FAAH2: variants seen among roughly 807,000 people sequenced by gnomAD.
FAAH2 encodes fatty acid amide hydrolase 2, also known as fatty-acid amide hydrolase 2.
In FAAH2, 60 loss-of-function variants were observed where a neutral mutation model predicts 36.9. The observed-to-expected ratio is 1.63, with a 90% CI of 1.32 to 2.02. The LOEUF (loss-of-function observed/expected upper bound fraction) is 2.02. FAAH2 is among the 30% of genes most tolerant of loss of function. FAAH2 has a pLI of 0.00. For synonymous variants in FAAH2, 214 were observed against 143.8 expected, an observed-to-expected ratio of 1.49 and a Z score of -3.49; for missense variants, 689 against 397.5, an observed-to-expected ratio of 1.73 and a Z score of -6.23.
chrX:57,176,710 C>G, the FAAH2 span, among the ~76,000 whole-genome samples: 19 of 111,700 alleles, frequency 1.7e-4, no homozygotes, highest in South Asian at 7.0e-3. Flanking sequence ...TCTATTTCTT[C>G]TAATTATTTT....
chrX:57,489,052 C>T lies in FAAH2; in HGVS notation c.*120C>T. On this transcript the variant is annotated 3_prime_UTR_variant, in exon 11 of 11. Transcript: ENST00000374900. ...GAGAAACAACTGGGGAATTTATTGACTCATTTAGTTATTCTTTCTACTTTT... is the reference window on the plus strand; with the variant it reads ...GAGAAACAACTGGGGAATTTATTGATTCATTTAGTTATTCTTTCTACTTTT... The T allele has an allele frequency of 1.4e-6, 1 of 714,678 alleles. No individual in the cohort carries two copies. Among genetic ancestry groups the T allele is most frequent in the South Asian group, 4.2e-5 (1 of 23,975 alleles). 58.9% of individuals were successfully genotyped at this position (714,678 alleles called of 1,213,427 possible).
rs1323347633 is a variant in FAAH2, at chrX:57,378,717, G to T, written c.809G>T (p.Gly270Val). Residue 270 changes from glycine to valine, a missense_variant, in exon 6 of 11, where the codon GGT becomes GTT. Physicochemically the swap from Gly to Val is moderately radical, Grantham distance 109. Transcript: ENST00000374900. Reference sequence around the variant, plus strand: ...GCCCAGGAGTTGTTTCTGTGCACTGGTCCTATGTGCCGTTATGCTGAAGAC... The same window carrying T: ...GCCCAGGAGTTGTTTCTGTGCACTGTTCCTATGTGCCGTTATGCTGAAGAC... ...VGAQELFLCT[G>V]PMCRYAEDLA... 13 of 1,208,148 alleles carry T rather than the reference G, an allele frequency of 1.1e-5. No individual in the cohort carries two copies. Among genetic ancestry groups the T allele is most frequent in the Non-Finnish European group, 1.3e-5 (12 of 894,361 alleles).
At chrX:57,439,705 G>A (rs770134896) in intron 8 of FAAH2, among the ~76,000 whole-genome samples, 3 of 111,701 alleles carry the variant, frequency 2.7e-5, no homozygotes, top group Admixed American at 1.9e-4. Context: ...GTATTGCCTA[G>A]GTTTTCTTCT....
chrX:57,338,187 G>A (rs2053601776), intron 4 of FAAH2, among the ~76,000 whole-genome samples: 1 of 111,416 alleles, frequency 9.0e-6, no homozygotes, highest in Non-Finnish European at 1.9e-5. Flanking sequence ...TAGGTGTGGG[G>A]CCATTTTATA....
At chrX:57,193,985 G>GT in the FAAH2 span, among the ~76,000 whole-genome samples, 2 of 111,033 alleles carry the variant, frequency 1.8e-5, no homozygotes, top group African/African-American at 3.3e-5. Flanking sequence ...GTTTTTGTGT[G>GT]TTTTTTTAAA....
At chrX:57,397,389 T>C (rs1002468977) in intron 7 of FAAH2, among the ~76,000 whole-genome samples, 13 of 112,224 alleles carry the variant, frequency 1.2e-4, no homozygotes, top group Admixed American at 1.1e-3. Context: ...ATGTGACATG[T>C]GCTTTTATGA....
At chrX:57,191,323 T>G in the FAAH2 span, among the ~76,000 whole-genome samples, 1 of 112,212 alleles carries the variant, frequency 8.9e-6, no homozygotes. Context: ...TTTGCTCATT[T>G]AAAAATTATA....
chrX:57,318,765 A>T (rs1020143048), intron 3 of FAAH2, among the ~76,000 whole-genome samples: 2 of 112,107 alleles, frequency 1.8e-5, no homozygotes, highest in African/African-American at 6.5e-5. Flanking sequence ...CTATGCAAAA[A>T]TCCTCAATAA....
At chrX:57,211,602 C>T in the FAAH2 span, among the ~76,000 whole-genome samples, 1 of 111,874 alleles carries the variant, frequency 8.9e-6, no homozygotes, top group Non-Finnish European at 1.9e-5. Flanking sequence ...GCAAACACCA[C>T]CTACTGGCTG....
chrX:57,418,433 G>C (rs1221407085), intron 7 of FAAH2, among the ~76,000 whole-genome samples: 1 of 110,964 alleles, frequency 9.0e-6, no homozygotes, highest in African/African-American at 3.3e-5. Context: ...GGGCCGTATT[G>C]CACCATCCCT....
intron 3 of FAAH2, among the ~76,000 whole-genome samples, chrX:57,330,043 C>A (rs1053498471): frequency 7.2e-5 from 8 of 111,413 alleles, no homozygotes; most frequent in Non-Finnish European, 1.1e-4. Context: ...GCGTTAACTG[C>A]ACAGATTGTA....
chrX:57,193,866 A>G, the FAAH2 span, among the ~76,000 whole-genome samples: 1 of 112,159 alleles, frequency 8.9e-6, no homozygotes, highest in African/African-American at 3.2e-5. Flanking sequence ...TTGCAAGAAT[A>G]AATAAGTTAG....
chrX:57,227,641 G>A, the FAAH2 span, among the ~76,000 whole-genome samples: 1 of 111,611 alleles, frequency 9.0e-6, no homozygotes, highest in Non-Finnish European at 1.9e-5. Flanking sequence ...CCAGGAGGTG[G>A]CACTTTCCAG....
At chrX:57,159,699 A>G in the FAAH2 span, among the ~76,000 whole-genome samples, 18 of 111,848 alleles carry the variant, frequency 1.6e-4, no homozygotes, top group Admixed American at 1.7e-3. Flanking sequence ...GTATCCTGAG[A>G]CTTTGCTGAA....
chrX:57,191,759 G>A, the FAAH2 span, among the ~76,000 whole-genome samples: 1 of 111,882 alleles, frequency 8.9e-6, no homozygotes, highest in Admixed American at 9.5e-5. Context: ...CTCAGTGTGT[G>A]TTCTTGTCAC....
the FAAH2 span, among the ~76,000 whole-genome samples, chrX:57,182,636 G>T: frequency 9.0e-6 from 1 of 111,075 alleles, no homozygotes; most frequent in South Asian, 3.8e-4. Flanking sequence ...AAAGCAGTGC[G>T]GCACAACTCC....
the FAAH2 span, among the ~76,000 whole-genome samples, chrX:57,149,965 G>A: frequency 9.0e-5 from 10 of 111,447 alleles, no homozygotes; most frequent in Non-Finnish European, 1.3e-4. Context: ...TTGTGTCTTT[G>A]TTCTCATTGG....
intron 7 of FAAH2, among the ~76,000 whole-genome samples, chrX:57,410,094 A>AT (rs921889284): frequency 1.1e-4 from 12 of 108,669 alleles, no homozygotes; most frequent in African/African-American, 1.7e-4. Context: ...TTTGTCCAAG[A>AT]TTTTTTTTTA....
At chrX:57,248,923 T>C in the FAAH2 span, among the ~76,000 whole-genome samples, 1 of 108,367 alleles carries the variant, frequency 9.2e-6, no homozygotes, top group African/African-American at 3.4e-5. Context: ...AGTTTAGATA[T>C]TCCCTTATTT....
Sources: allele counts gnomAD v4.1 joint callset (sites outside exome capture counted in the v4.1 genomes callset), GRCh38; gene constraint gnomAD v4.1.1; transcripts MANE v1.5; gene names NCBI Gene and HGNC (gene_info 2026-07-23, HGNC 2026-07-21).